The following CDC16 variants were observed in gnomAD, a reference collection of about 807,000 sequenced individuals.
CDC16 encodes cell division cycle protein 16 homolog.
In CDC16, 34 loss-of-function variants were observed where a neutral mutation model predicts 87.0. The ratio of observed to expected loss-of-function variants is 0.39; its 90% CI spans 0.30 to 0.52. CDC16 has a LOEUF of 0.52. Among genes scored for constraint, CDC16 ranks in the 20% least tolerant of loss-of-function variants. The pLI, the probability that CDC16 is intolerant of heterozygous loss-of-function variation, is 0.74. For synonymous variants in CDC16, 263 were observed against 260.6 expected, an observed-to-expected ratio of 1.01 and a Z score of -0.09; for missense variants, 653 against 751.9, an observed-to-expected ratio of 0.87 and a Z score of 1.54.
intron 14 of CDC16, 124 bp from the exon 15 acceptor site, chr13:114,261,763 T>G: frequency 1.7e-6 from 1 of 595,610 alleles, no homozygotes; most frequent in Non-Finnish European, 3.0e-6. Context: ...CCTGGCCTTG[T>G]GGTGTGCTGG....
At chr13:114,240,344 G>C (rs989704617) in intron 5 of CDC16, among the ~76,000 whole-genome samples, 6 of 151,934 alleles carry the variant, frequency 3.9e-5, no homozygotes, top group African/African-American at 1.5e-4. Context: ...CGAGTAGCTG[G>C]GACTACAGGC....
In CDC16 at chr13:114,243,958, G is replaced by C; in HGVS notation, c.736G>C (p.Asp246His). 6.2e-7 allele frequency: 1 copy of C among 1,608,652 alleles called. No homozygotes were observed. Among genetic ancestry groups the C allele is most frequent in the Non-Finnish European group, 8.5e-7 (1 of 1,175,502 alleles). ...SLAERHYYNC[D>H]FKMCYKLTSV... ...AGCTGAGAGACATTATTATAACTGT[G>C]ATTTTAAAATGTGCTACAAGCTTAC... The change falls in exon 8 of 18, where the codon GAT (aspartate) becomes CAT (histidine). Residue 246 changes from aspartate (D) to histidine (H), a missense_variant. Physicochemically the swap from Asp to His is moderately conservative, Grantham distance 81. Transcript: ENST00000356221.
At chr13:114,239,816 A>G (rs1385114562) in intron 5 of CDC16, among the ~76,000 whole-genome samples, 2 of 152,198 alleles carry the variant, frequency 1.3e-5, no homozygotes, top group Non-Finnish European at 2.9e-5. Context: ...GACCTACACC[A>G]AGAAACTTTG....
chr13:114,244,842 C>T (rs1207058315), intron 8 of CDC16, 48 bp from the exon 9 acceptor site: 2 of 1,180,788 alleles, frequency 1.7e-6, no homozygotes, highest in Admixed American at 3.5e-5. Context: ...GTCGTGAGTG[C>T]TGTCACCTGC....
At chr13:114,263,426 C>T (rs1006835635) in intron 16 of CDC16, among the ~76,000 whole-genome samples, 16 of 152,214 alleles carry the variant, frequency 1.1e-4, no homozygotes, top group Non-Finnish European at 2.1e-4. Context: ...GTACCATATT[C>T]CATCAAATTT....
intron 1 of CDC16, among the ~76,000 whole-genome samples, chr13:114,235,418 CACTG>C (rs1281454582): frequency 6.6e-6 from 1 of 152,356 alleles, no homozygotes; most frequent in East Asian, 1.9e-4. Context: ...GCCCAGGAAA[CACTG>C]ACTACTCAGT....
At position 114,267,498 on chromosome 13, in the gene CDC16, A is replaced by C. The variant is rs75658372; in HGVS notation, c.1603+2258A>C. Reference sequence around the variant, plus strand: ...CCTGGGTGACAGCCAATCTCAAAACAAAAAAAAAAGTGCTACGTATTGGTA... The same window carrying C: ...CCTGGGTGACAGCCAATCTCAAAACCAAAAAAAAAGTGCTACGTATTGGTA... On this transcript the variant is annotated intron_variant, in intron 17 of 17. Transcript: ENST00000356221. Among the ~76,000 whole-genome samples, 390 of 149,672 alleles carry C rather than the reference A, an allele frequency of 2.6e-3. 19 individuals are homozygous for C. The South Asian group carries it at 0.075, about 29-fold the overall frequency.
chr13:114,236,553 A>G lies in CDC16; in HGVS notation c.49-92A>G, dbSNP rs1022741068. 1.3e-5 allele frequency: 13 copies of G among 1,027,636 alleles called. No individual in the cohort carries two copies. The African/African-American group carries it at 1.5e-4, about 12-fold the overall frequency. The allele number at this position is 1,027,636 out of a possible 1,614,324, so 63.7% of individuals were successfully genotyped here. On this transcript the variant is annotated intron_variant, in intron 1 of 17. Coordinates refer to ENST00000356221, the MANE Select transcript of CDC16 (RefSeq NM_001078645.3). ...ATTTATTACATAGAATTATATTAAT[A>G]TATTACATAGAATTATAATAATATT... is the stretch of plus-strand genomic sequence containing the variant.
At chr13:114,265,802 C>T (rs1258771880) in intron 17 of CDC16, among the ~76,000 whole-genome samples, 1 of 149,206 alleles carries the variant, frequency 6.7e-6, no homozygotes. Context: ...TGCTAACTCC[C>T]GTTCCTACTA....
In CDC16 at chr13:114,236,708, CA is replaced by C. The variant is rs2081269099; in HGVS notation, c.103+13del. 1 of 1,612,996 alleles carries C rather than the reference CA, an allele frequency of 6.2e-7. No individual in the cohort carries two copies. The highest frequency in any genetic ancestry group is 8.5e-7 in the Non-Finnish European group (1 of 1,179,918). ...AGCTTCACTCTCTCGTGGTAAGTGA[CA>C]AAATGCTAACTGGTTTTCTGATTAA... On this transcript the variant is annotated intron_variant, in intron 2 of 17. Coordinates refer to ENST00000356221, the MANE Select transcript of CDC16 (RefSeq NM_001078645.3).
At chr13:114,257,295 T>G in intron 13 of CDC16, 65 bp downstream of exon 13, 3 of 1,073,694 alleles carry the variant, frequency 2.8e-6, no homozygotes, top group African/African-American at 1.6e-5. Context: ...AGGTGATCAC[T>G]AGAGTTCACT....
chr13:114,261,372 C>T (rs1376099611), intron 14 of CDC16, among the ~76,000 whole-genome samples: 1 of 151,806 alleles, frequency 6.6e-6, no homozygotes, highest in Non-Finnish European at 1.5e-5. Context: ...AAGGTGAGGA[C>T]TAAATAGGTT....
Position 114,234,917 on chromosome 13 carries a change from G to GGGGTGC in CDC16, c.-162_-157dup, listed in dbSNP as rs1165824446. The GGGGTGC allele has an allele frequency of 3.5e-5, 14 of 403,852 alleles. No individual in the cohort carries two copies. The highest frequency in any genetic ancestry group is 9.0e-5 in the Admixed American group (2 of 22,196). The allele number at this position is 403,852 out of a possible 1,614,324, so 25.0% of individuals were successfully genotyped here. ...TGGGCAGTGCACGGGGCCTGGGTGG[G>GGGGTGC]GGGTGCGGGTGTGGGTGGGGACCTG... On this transcript the variant is annotated 5_prime_UTR_variant, in exon 1 of 18. Coordinates refer to ENST00000356221, the MANE Select transcript of CDC16 (RefSeq NM_001078645.3).
intron 9 of CDC16, among the ~76,000 whole-genome samples, chr13:114,245,591 A>G (rs937438551): frequency 1.3e-5 from 2 of 152,216 alleles, no homozygotes; most frequent in Admixed American, 1.3e-4. Flanking sequence ...TGCAGGAAAC[A>G]TCATCTTGAA....
chr13:114,264,730 G>C (rs546793836), intron 16 of CDC16, among the ~76,000 whole-genome samples: 2 of 152,086 alleles, frequency 1.3e-5, no homozygotes, highest in East Asian at 3.9e-4. Context: ...TCAGCCTCCA[G>C]AGTATCTAGG....
chr13:114,252,714 A>G (rs1018775103), intron 12 of CDC16, among the ~76,000 whole-genome samples: 1 of 152,182 alleles, frequency 6.6e-6, no homozygotes, highest in African/African-American at 2.4e-5. Context: ...GGTAATTTTT[A>G]TTTGATATTT....
chr13:114,236,875 T>A lies in CDC16; in HGVS notation c.180T>A (p.Leu60=), dbSNP rs148530287. 5.0e-5 allele frequency: 80 copies of A among 1,593,898 alleles called. No individual in the cohort carries two copies. In the African/African-American group the frequency reaches 1.0e-3, roughly 21 times the overall value. Residue 60 remains leucine (L), a synonymous_variant, in exon 3 of 18, where the codon CTT becomes CTA. Coordinates refer to ENST00000356221, the MANE Select transcript of CDC16 (RefSeq NM_001078645.3). ...TAQYHRAAHA[L]RSRKLDKLYE... ...AATATCACAGAGCCGCCCATGCACT[T>A]CGGTCACGAAAACTGGACAAAGTAA...
At chr13:114,241,361 C>G (rs2081540968) in intron 5 of CDC16, among the ~76,000 whole-genome samples, 2 of 152,226 alleles carry the variant, frequency 1.3e-5, no homozygotes, top group Non-Finnish European at 1.5e-5. Flanking sequence ...GGTTTGAACT[C>G]AGGTCTGTGC....
chr13:114,257,864 G>A (rs557350201), intron 13 of CDC16, among the ~76,000 whole-genome samples: 9 of 152,222 alleles, frequency 5.9e-5, no homozygotes, highest in African/African-American at 2.2e-4. Context: ...TCAGCTCACT[G>A]CATTCTCTGC....
Sources: gnomAD v4.1 joint callset for allele counts (sites outside exome capture counted in the v4.1 genomes callset) on GRCh38, gnomAD v4.1.1 for gene constraint, MANE v1.5 for transcripts, NCBI Gene and HGNC (gene_info 2026-07-23, HGNC 2026-07-21) for gene names.